The following CALCR variants were observed in gnomAD, a reference collection of about 807,000 sequenced individuals.
CALCR encodes calcitonin receptor.
A neutral mutation model predicts 59.5 loss-of-function variants in CALCR; 47 were observed. The observed-to-expected ratio is 0.79, with a 90% CI of 0.63 to 1.01. CALCR has a LOEUF of 1.01. Among genes scored for constraint, CALCR ranks in the 50% least tolerant of loss-of-function variants. The probability of loss-of-function intolerance (pLI) is 0.00; values close to 1 mark genes in which losing one functional copy is unlikely to be tolerated. For missense variants in CALCR, 566 were observed against 597.1 expected, an observed-to-expected ratio of 0.95 and a Z score of 0.54; for synonymous variants, 213 against 211.3, an observed-to-expected ratio of 1.01 and a Z score of -0.07.
chr7:93,496,001 T>C, intron 2 of CALCR: 2 of 1,259,102 alleles, frequency 1.6e-6, no homozygotes, highest in Non-Finnish European at 2.2e-6. Flanking sequence ...TGAAAATCAG[T>C]AAATCAATGA....
intron 6 of CALCR, 77 bp downstream of exon 6, chr7:93,472,298 T>G: frequency 1.2e-6 from 1 of 822,498 alleles, no homozygotes; most frequent in Non-Finnish European, 2.0e-6. Context: ...GTGGCAGATA[T>G]TTTACAGTTA....
chr7:93,479,387 G>A lies in CALCR; in HGVS notation c.172C>T (p.Arg58Ter), dbSNP rs900971174. The change falls in exon 4 of 14, where the codon CGA becomes TGA. Residue 58 changes from arginine (R) to a stop codon, truncating the protein, a stop_gained. Transcript: ENST00000426151. LOFTEE classifies it high-confidence loss of function. ...TGGTATGCGGGTAACTGCTGCATTC[G>A]GTCATAGCATTTGTACTGTGCATCC... The part of the protein sequence containing the change: ...MMDAQYKCYD[R>*]MQQLPAYQGE... The A allele has an allele frequency of 9.3e-6, 15 of 1,610,944 alleles. No individual in the cohort carries two copies. The highest frequency in any genetic ancestry group is 3.4e-5 in the Admixed American group (2 of 59,616).
At chr7:93,561,048 C>T (rs1789735195) in intron 2 of CALCR, among the ~76,000 whole-genome samples, 1 of 152,096 alleles carries the variant, frequency 6.6e-6, no homozygotes, top group South Asian at 2.1e-4. Flanking sequence ...AAGATAGAAA[C>T]AATTCCTTCC....
At chr7:93,481,885 A>G (rs1037509399) in intron 3 of CALCR, among the ~76,000 whole-genome samples, 1 of 151,854 alleles carries the variant, frequency 6.6e-6, no homozygotes, top group African/African-American at 2.4e-5. Flanking sequence ...CACTTTCCCC[A>G]CTGGTCTTCA....
chr7:93,477,916 G>A (rs1800701477), intron 4 of CALCR, among the ~76,000 whole-genome samples: 1 of 116,464 alleles, frequency 8.6e-6, no homozygotes, highest in Non-Finnish European at 1.7e-5. Flanking sequence ...CCAAAGTTGA[G>A]TGCATCAAAA....
intron 8 of CALCR, among the ~76,000 whole-genome samples, chr7:93,451,470 G>T (rs964545153): frequency 2.6e-5 from 4 of 151,902 alleles, no homozygotes; most frequent in South Asian, 2.1e-4. Flanking sequence ...TCAATTAAAA[G>T]AAAATAAGTT....
rs757491407 is a variant in CALCR at position 93,466,866 on chromosome 7, T to A, written c.521+1849A>T. Among the ~76,000 whole-genome samples, 6 of 151,690 alleles carry A rather than the reference T, an allele frequency of 4.0e-5. No individual in the cohort carries two copies. The Admixed American group carries it at 4.0e-4, about 10-fold the overall frequency. On this transcript the variant is annotated intron_variant, in intron 7 of 13. Coordinates refer to ENST00000426151, the MANE Select transcript of CALCR (RefSeq NM_001742.4). ...CACACCCATCTTCAGTAGCTTAATA[T>A]AGAAATGATCGTTGAAAAAAAAATT... is the stretch of plus-strand genomic sequence containing the variant.
chr7:93,477,714 C>G, intron 4 of CALCR, 46 bp from the exon 5 acceptor site: 1 of 1,200,750 alleles, frequency 8.3e-7, no homozygotes, highest in Non-Finnish European at 1.2e-6. Context: ...GTGGATTTAA[C>G]TAAATGAGAA....
intron 3 of CALCR, 138 bp downstream of exon 3, chr7:93,486,793 A>G (rs1235627270): frequency 1.2e-5 from 8 of 667,044 alleles, no homozygotes; most frequent in Admixed American, 1.1e-4. Flanking sequence ...AAGCAAAATA[A>G]TGGCTTTGAG....
In CALCR at chr7:93,467,224, T is replaced by C. The variant is rs560728463; in HGVS notation, c.521+1491A>G. Among the ~76,000 whole-genome samples, 10 of 151,946 alleles carry C rather than the reference T, an allele frequency of 6.6e-5. No individual in the cohort carries two copies. In the South Asian group the frequency reaches 2.1e-3, roughly 31 times the overall value. The stretch of plus-strand genomic sequence containing the variant: ...GATTACTGTATTCTGATCATTATCA[T>C]TGAAAATACTCTTCTATTCTAATTT... On this transcript the variant is annotated intron_variant, in intron 7 of 13. Transcript: ENST00000426151.
intron 2 of CALCR, among the ~76,000 whole-genome samples, chr7:93,540,391 T>A (rs6949368): frequency 1.3e-5 from 2 of 151,968 alleles, no homozygotes; most frequent in Non-Finnish European, 2.9e-5. Context: ...ATTTTAAATA[T>A]ATGGTACCAT....
At chr7:93,511,921 C>T (rs906106078) in intron 2 of CALCR, among the ~76,000 whole-genome samples, 2 of 152,094 alleles carry the variant, frequency 1.3e-5, no homozygotes, top group African/African-American at 4.8e-5. Context: ...GGTAGGCATG[C>T]GCTATGGGCA....
At chr7:93,512,124 T>C in intron 2 of CALCR, among the ~76,000 whole-genome samples, 1 of 152,144 alleles carries the variant, frequency 6.6e-6, no homozygotes, top group Non-Finnish European at 1.5e-5. Flanking sequence ...GCCTCTTCAG[T>C]GGTGGCTGAA....
intron 2 of CALCR, among the ~76,000 whole-genome samples, chr7:93,501,266 G>C (rs946531404): frequency 6.6e-6 from 1 of 151,864 alleles, no homozygotes. Context: ...AATTTTTCAG[G>C]TGAACTGAAC....
intron 8 of CALCR, among the ~76,000 whole-genome samples, chr7:93,453,516 C>T (rs1003019529): frequency 4.6e-5 from 7 of 151,902 alleles, no homozygotes; most frequent in Non-Finnish European, 1.0e-4. Context: ...TCCAACATAC[C>T]CTAACGGAGT....
chr7:93,474,810 A>G (rs1053286274), intron 5 of CALCR, among the ~76,000 whole-genome samples: 3 of 151,780 alleles, frequency 2.0e-5, no homozygotes, highest in Non-Finnish European at 2.9e-5. Flanking sequence ...TTTTTGAAGC[A>G]TTTTTCTATG....
chr7:93,536,211 G>A (rs1376215404), intron 2 of CALCR, among the ~76,000 whole-genome samples: 1 of 151,692 alleles, frequency 6.6e-6, no homozygotes, highest in East Asian at 1.9e-4. Context: ...AATCCTGATA[G>A]CTGTTTTCTA....
intron 5 of CALCR, among the ~76,000 whole-genome samples, chr7:93,473,589 C>CTTT (rs1562987822): frequency 8.3e-6 from 1 of 121,136 alleles, no homozygotes; most frequent in African/African-American, 3.5e-5. Context: ...GGCCCCCCCC[C>CTTT]CTTTTTTTTT....
At chr7:93,473,493 G>A (rs1800599534) in intron 5 of CALCR, among the ~76,000 whole-genome samples, 2 of 151,302 alleles carry the variant, frequency 1.3e-5, no homozygotes, top group Admixed American at 6.6e-5. Flanking sequence ...TTATTGTTAA[G>A]ATGCAGATGT....
Sources: gnomAD v4.1 joint callset for allele counts (sites outside exome capture counted in the v4.1 genomes callset) on GRCh38, gnomAD v4.1.1 for gene constraint, MANE v1.5 for transcripts, NCBI Gene and HGNC (gene_info 2026-07-23, HGNC 2026-07-21) for gene names.